The following FIP1L1 variants were observed in gnomAD, a reference collection of about 807,000 sequenced individuals.
The protein encoded by FIP1L1 is factor interacting with PAPOLA and CPSF1, also known as pre-mRNA 3'-end-processing factor FIP1.
Under a neutral mutation model 84.6 loss-of-function variants are expected in FIP1L1, and 21 were observed. The observed-to-expected ratio is 0.25, with a 90% CI of 0.18 to 0.36. The LOEUF is 0.36. Among genes scored for constraint, FIP1L1 ranks in the 10% least tolerant of loss-of-function variants. The pLI is 1.00. For missense variants in FIP1L1, 526 were observed against 751.1 expected (o/e 0.70, Z 3.50); for synonymous variants, 263 against 242.3 (o/e 1.09, Z -0.80).
chr4:53,430,705 A>G (rs914741102), intron 13 of FIP1L1, among the ~76,000 whole-genome samples: 2 of 152,164 alleles, frequency 1.3e-5, no homozygotes, highest in Admixed American at 1.3e-4. Context: ...GTTATTAATG[A>G]CATTATACTA....
rs62325230 is a variant in FIP1L1 at position 53,455,531 on chromosome 4, G to C, written c.1499+2398G>C. On this transcript the variant is annotated intron_variant, in intron 16 of 17. Coordinates refer to ENST00000337488, the MANE Select transcript of FIP1L1 (RefSeq NM_030917.4). ...TAGGGAGACCCAAGGAGAGGAAAGAGATGACCTGAACAGTGGATCGGTCAA... is the reference window on the plus strand; with the variant it reads ...TAGGGAGACCCAAGGAGAGGAAAGACATGACCTGAACAGTGGATCGGTCAA... Among the ~76,000 whole-genome samples, 981 of 152,202 alleles carry C rather than the reference G, an allele frequency of 6.4e-3. 4 individuals carry two copies. Among genetic ancestry groups the C allele is most frequent in the Non-Finnish European group, 0.011 (745 of 67,976 alleles).
chr4:53,436,415 G>A (rs998723878), intron 13 of FIP1L1, among the ~76,000 whole-genome samples: 2 of 152,126 alleles, frequency 1.3e-5, no homozygotes, highest in Non-Finnish European at 2.9e-5. Context: ...GTTCCTCACT[G>A]GTGTAGGCGT....
chr4:53,450,306 T>C (rs981271061), intron 15 of FIP1L1, among the ~76,000 whole-genome samples: 3 of 152,214 alleles, frequency 2.0e-5, no homozygotes, highest in African/African-American at 7.2e-5. Context: ...CAGAAATGTG[T>C]TTTTAATTTG....
At chr4:53,409,074 C>G (rs1755549859) in intron 10 of FIP1L1, among the ~76,000 whole-genome samples, 1 of 152,164 alleles carries the variant, frequency 6.6e-6, no homozygotes, top group Admixed American at 6.5e-5. Context: ...AGGCACTCTG[C>G]TTTTTAGAGT....
intron 9 of FIP1L1, among the ~76,000 whole-genome samples, chr4:53,397,056 G>T (rs1004689739): frequency 6.6e-6 from 1 of 152,120 alleles, no homozygotes; most frequent in African/African-American, 2.4e-5. Flanking sequence ...CTTTTTAACC[G>T]ATGAAAGAAT....
chr4:53,427,828 CTGTA>C (rs1234884369), intron 12 of FIP1L1, among the ~76,000 whole-genome samples, 195 bp from the exon 13 acceptor site: 1 of 151,858 alleles, frequency 6.6e-6, no homozygotes, highest in African/African-American at 2.4e-5. Context: ...ATTTTTAAAA[CTGTA>C]TGTATGTGTA....
At position 53,451,915 on chromosome 4, in the gene FIP1L1, AC is replaced by A. The variant is rs1249313935; in HGVS notation, c.1286-1004del. 2.5e-4 allele frequency among the ~76,000 whole-genome samples: 37 copies of A among 146,680 alleles called. 1 individual carries two copies. The highest frequency in any genetic ancestry group is 6.7e-4 in the African/African-American group (26 of 38,748). On this transcript the variant is annotated intron_variant, in intron 15 of 17. Coordinates refer to ENST00000337488, the MANE Select transcript of FIP1L1 (RefSeq NM_030917.4). Reference sequence around the variant, plus strand: ...TTTTTTTTTTTTGAGATAGAGCCTCACTGTGTTGCCCAGTCCGGAGTATAGT... The same window carrying A: ...TTTTTTTTTTTTGAGATAGAGCCTCATGTGTTGCCCAGTCCGGAGTATAGT...
intron 10 of FIP1L1, among the ~76,000 whole-genome samples, chr4:53,400,581 A>G (rs1368709232): frequency 6.6e-6 from 1 of 152,190 alleles, no homozygotes; most frequent in African/African-American, 2.4e-5. Flanking sequence ...TTACTGGTTT[A>G]AATTTATTTT....
At chr4:53,432,848 G>A (rs1767382759) in intron 13 of FIP1L1, among the ~76,000 whole-genome samples, 1 of 152,070 alleles carries the variant, frequency 6.6e-6, no homozygotes, top group African/African-American at 2.4e-5. Context: ...CGTATTATTG[G>A]ATTACGTGTA....
intron 13 of FIP1L1, among the ~76,000 whole-genome samples, chr4:53,437,049 A>G (rs1237589815): frequency 1.3e-5 from 2 of 151,838 alleles, no homozygotes; most frequent in Non-Finnish European, 2.9e-5. Context: ...AATTAAGGCC[A>G]GGCATGGTTG....
At chr4:53,378,862 T>TAA (rs58132961) in intron 1 of FIP1L1, 49 of 559,366 alleles carry the variant, frequency 8.8e-5, no homozygotes, top group South Asian at 5.2e-4. Context: ...GATAAACTTG[T>TAA]AAAAAAAAAT....
intron 11 of FIP1L1, among the ~76,000 whole-genome samples, chr4:53,417,757 ACACACACTCTCTCTCTCTCTCT>A (rs1331808207): frequency 0.014 from 499 of 35,168 alleles, 18 homozygotes; most frequent in African/African-American, 0.041. Flanking sequence ...ACACACACAC[ACACACACTCTCTCTCTCTCTCT>A]CTCTCTCTCT....
At chr4:53,414,541 A>G in intron 10 of FIP1L1, 74 bp from the exon 11 acceptor site, 2 of 971,198 alleles carry the variant, frequency 2.1e-6, no homozygotes, top group East Asian at 5.2e-5. Context: ...ATGTCAAGAA[A>G]AAAAAAAAAA....
chr4:53,430,515 T>A (rs1766164957), intron 13 of FIP1L1, among the ~76,000 whole-genome samples: 1 of 151,732 alleles, frequency 6.6e-6, no homozygotes, highest in African/African-American at 2.4e-5. Context: ...CATTTTTGTA[T>A]TTTTTGTAGA....
At chr4:53,399,872 C>G in intron 10 of FIP1L1, 33 bp downstream of exon 10, 1 of 1,337,076 alleles carries the variant, frequency 7.5e-7, no homozygotes, top group Non-Finnish European at 1.1e-6. Context: ...AATTACTGTA[C>G]GACATTGGTA....
At chr4:53,381,359 T>C (rs889991137) in intron 3 of FIP1L1, among the ~76,000 whole-genome samples, 1 of 152,192 alleles carries the variant, frequency 6.6e-6, no homozygotes, top group Non-Finnish European at 1.5e-5. Flanking sequence ...TCTTAAACAT[T>C]GCATTGCAGT....
chr4:53,448,529 TTA>T (rs1775131241), intron 15 of FIP1L1, among the ~76,000 whole-genome samples: 1 of 152,238 alleles, frequency 6.6e-6, no homozygotes, highest in East Asian at 1.9e-4. Flanking sequence ...TTGAAGCAAT[TTA>T]TGTTAATTTA....
In FIP1L1 at chr4:53,460,386, T is replaced by TA; in HGVS notation, c.*938dup. The TA allele has an allele frequency of 5.3e-6, 1 of 189,192 alleles. No homozygotes were observed. Among genetic ancestry groups the TA allele is most frequent in the African/African-American group, 2.3e-5 (1 of 42,962 alleles). 11.7% of individuals were successfully genotyped at this position (189,192 alleles called of 1,614,324 possible). On this transcript the variant is annotated 3_prime_UTR_variant, in exon 18 of 18. Coordinates refer to ENST00000337488, the MANE Select transcript of FIP1L1 (RefSeq NM_030917.4). Reference sequence around the variant, plus strand: ...TAACATGGTATTTGAAAGAATAAATTACTAGGATCTTTTAAATAGTGATAA... The same window carrying TA: ...TAACATGGTATTTGAAAGAATAAATTAACTAGGATCTTTTAAATAGTGATAA...
intron 10 of FIP1L1, among the ~76,000 whole-genome samples, chr4:53,413,403 A>G (rs1578565351): frequency 6.6e-6 from 1 of 152,194 alleles, no homozygotes; most frequent in Non-Finnish European, 1.5e-5. Flanking sequence ...TCAAGATGAA[A>G]TTTCCATGTG....
Sources: allele counts gnomAD v4.1 joint callset (sites outside exome capture counted in the v4.1 genomes callset), GRCh38; gene constraint gnomAD v4.1.1; transcripts MANE v1.5; gene names NCBI Gene and HGNC (gene_info 2026-07-23, HGNC 2026-07-21).